Variants in EPC2 observed in about 807,000 individuals in gnomAD.
EPC2 encodes enhancer of polycomb homolog 2.
EPC2 carries 14 observed loss-of-function variants against 92.1 expected under a neutral mutation model. The observed-to-expected ratio is 0.15, with a 90% confidence interval of 0.10 to 0.24. The LOEUF is 0.24. Among genes scored for constraint, EPC2 ranks in the 10% least tolerant of loss-of-function variants. The pLI is 1.00. For synonymous variants in EPC2, 340 were observed against 334.7 expected, an observed-to-expected ratio of 1.02 and a Z score of -0.17; for missense variants, 755 against 971.5, an observed-to-expected ratio of 0.78 and a Z score of 2.96.
At chr2:148,672,365 T>C (rs1681171033) in intron 1 of EPC2, among the ~76,000 whole-genome samples, 1 of 152,234 alleles carries the variant, frequency 6.6e-6, no homozygotes, top group Non-Finnish European at 1.5e-5. Context: ...CTCTTGTAGA[T>C]AGCATGTGGT....
At chr2:148,742,013 A>C (rs758032042) in intron 2 of EPC2, among the ~76,000 whole-genome samples, 5 of 152,104 alleles carry the variant, frequency 3.3e-5, no homozygotes, top group Non-Finnish European at 5.9e-5. Context: ...AGCTTTTTTC[A>C]TTTAATATTT....
intron 2 of EPC2, among the ~76,000 whole-genome samples, chr2:148,740,299 G>T (rs1399739435): frequency 6.6e-6 from 1 of 150,558 alleles, no homozygotes; most frequent in Non-Finnish European, 1.5e-5. Context: ...TGCTTTTAAA[G>T]AATTTTTACC....
intron 1 of EPC2, among the ~76,000 whole-genome samples, chr2:148,662,755 C>T (rs1446528271): frequency 6.6e-6 from 1 of 151,904 alleles, no homozygotes; most frequent in Non-Finnish European, 1.5e-5. Flanking sequence ...CAACATGGCA[C>T]GTACATACAT....
intron 1 of EPC2, among the ~76,000 whole-genome samples, chr2:148,662,422 G>C (rs1223142217): frequency 6.6e-6 from 1 of 152,084 alleles, no homozygotes. Flanking sequence ...CAACCCAAAC[G>C]TCCAACAACG....
Position 148,761,847 on chromosome 2 carries a change from C to T in EPC2, c.732C>T (p.Ala244=). ...MLKLRREFSR[A]ITILEMIKRR... ...AACTGAGACGAGAATTTAGTAGAGC[C>T]ATAACAATTTTGGAAATGATTAAGA... is the stretch of plus-strand genomic sequence containing the variant. Residue 244 remains alanine (A), a synonymous_variant, in exon 5 of 14, where the codon GCC becomes GCT. Coordinates refer to ENST00000258484, the MANE Select transcript of EPC2 (RefSeq NM_015630.4). 1 of 1,592,048 alleles carries T rather than the reference C, an allele frequency of 6.3e-7. No homozygotes were observed. The highest frequency in any genetic ancestry group is 8.5e-7 in the Non-Finnish European group (1 of 1,170,984).
At chr2:148,683,814 A>G (rs1324402170) in intron 1 of EPC2, among the ~76,000 whole-genome samples, 1 of 152,230 alleles carries the variant, frequency 6.6e-6, no homozygotes, top group African/African-American at 2.4e-5. Context: ...TGCAATTGCA[A>G]ATTGTACTGC....
At chr2:148,685,434 G>A (rs1456103901) in intron 1 of EPC2, among the ~76,000 whole-genome samples, 1 of 152,180 alleles carries the variant, frequency 6.6e-6, no homozygotes, top group Non-Finnish European at 1.5e-5. Flanking sequence ...AATAAAGCAA[G>A]TTACATGAAT....
At chr2:148,766,298 TA>T (rs1683406611) in intron 7 of EPC2, among the ~76,000 whole-genome samples, 1 of 152,232 alleles carries the variant, frequency 6.6e-6, no homozygotes, top group Non-Finnish European at 1.5e-5. Context: ...TATAACCATT[TA>T]AAATCTGGAG....
At chr2:148,707,788 C>T (rs190341205) in intron 2 of EPC2, among the ~76,000 whole-genome samples, 1 of 152,300 alleles carries the variant, frequency 6.6e-6, no homozygotes, top group East Asian at 1.9e-4. Context: ...TAAAGATGTT[C>T]TTTGAAACCA....
At chr2:148,663,194 G>GTAGTAT (rs145833789) in intron 1 of EPC2, among the ~76,000 whole-genome samples, 9 of 136,350 alleles carry the variant, frequency 6.6e-5, no homozygotes, top group Admixed American at 3.0e-4. Flanking sequence ...CTGTGTTTTT[G>GTAGTAT]TATTATTATT....
chr2:148,650,679 A>G (rs754966245), intron 1 of EPC2, among the ~76,000 whole-genome samples: 57 of 152,182 alleles, frequency 3.7e-4, no homozygotes, highest in Non-Finnish European at 6.3e-4. Context: ...CAGTAGGAAT[A>G]TAATCCTGAT....
At chr2:148,665,834 G>GA (rs1301469769) in intron 1 of EPC2, among the ~76,000 whole-genome samples, 3 of 151,916 alleles carry the variant, frequency 2.0e-5, no homozygotes, top group Admixed American at 6.6e-5. Flanking sequence ...TTTTTCAGGA[G>GA]AAAAAAATCT....
At chr2:148,744,530 T>C (rs1028724784) in intron 3 of EPC2, among the ~76,000 whole-genome samples, 17 of 152,122 alleles carry the variant, frequency 1.1e-4, no homozygotes, top group African/African-American at 4.1e-4. Context: ...CAGAACTCTT[T>C]ATGTGGAAAA....
intron 1 of EPC2, among the ~76,000 whole-genome samples, chr2:148,667,707 A>G (rs1681080809): frequency 6.6e-6 from 1 of 152,222 alleles, no homozygotes. Flanking sequence ...ACAGTTGAGA[A>G]TGGCCATCCT....
chr2:148,673,416 C>T (rs1414762302), intron 1 of EPC2, among the ~76,000 whole-genome samples: 2 of 152,148 alleles, frequency 1.3e-5, no homozygotes, highest in Non-Finnish European at 2.9e-5. Context: ...TTTCAAATGA[C>T]TTGTATTTGA....
chr2:148,753,954 C>A lies in EPC2; in HGVS notation c.487C>A (p.Leu163Met). Residue 163 changes from leucine to methionine, a missense_variant, in exon 4 of 14, where the codon CTG becomes ATG. Around this residue, in one of 4 missense-constraint regions of EPC2, gnomAD observed 509 missense variants for 607.7 expected, o/e 0.84. Coordinates refer to ENST00000258484, the MANE Select transcript of EPC2 (RefSeq NM_015630.4). ...TGTAACACTTCAAGAAGCAAAACTG[C>A]TGCTAAACGAAGATGATTACCTTAT... ...QLVTLQEAKLLLNEDDYLIKA... is the reference protein window; with the variant it reads ...QLVTLQEAKLMLNEDDYLIKA... 2 of 1,611,422 alleles carry A rather than the reference C, an allele frequency of 1.2e-6. No homozygotes were observed. Among genetic ancestry groups the A allele is most frequent in the Non-Finnish European group, 1.7e-6 (2 of 1,178,726 alleles).
At chr2:148,766,286 G>T (rs181966155) in intron 7 of EPC2, among the ~76,000 whole-genome samples, 1 of 152,210 alleles carries the variant, frequency 6.6e-6, no homozygotes, top group East Asian at 1.9e-4. Context: ...ACTCTTCATT[G>T]CTATAACCAT....
At chr2:148,776,053 T>C (rs1186989500) in intron 10 of EPC2, among the ~76,000 whole-genome samples, 1 of 152,124 alleles carries the variant, frequency 6.6e-6, no homozygotes, top group East Asian at 1.9e-4. Context: ...AGTGCTGGGA[T>C]TACAGGTGTG....
chr2:148,776,567 C>T (rs1187672675), intron 10 of EPC2, among the ~76,000 whole-genome samples: 1 of 152,136 alleles, frequency 6.6e-6, no homozygotes, highest in Admixed American at 6.5e-5. Context: ...CAGAGTAGCA[C>T]CAGTGGTTTA....
Sources: allele counts gnomAD v4.1 joint callset (sites outside exome capture counted in the v4.1 genomes callset), GRCh38; gene constraint gnomAD v4.1.1; regional missense constraint gnomAD v4.1.1; transcripts MANE v1.5; gene names NCBI Gene and HGNC (gene_info 2026-07-23, HGNC 2026-07-21).